JMY: variants seen among roughly 807,000 people sequenced by gnomAD.
JMY encodes the protein junction-mediating and -regulatory protein.
JMY carries 46 observed loss-of-function variants against 103.3 expected under a neutral mutation model. That is an observed-to-expected ratio of 0.45 (90% CI 0.35 to 0.57). The LOEUF (loss-of-function observed/expected upper bound fraction) is 0.57. Ranked by LOEUF, JMY falls within the 20% of genes least tolerant of loss-of-function variation. The pLI is 0.00. For synonymous variants in JMY, 526 were observed against 489.3 expected (o/e 1.07, Z -0.99); for missense variants, 1,238 against 1,255.2 (o/e 0.99, Z 0.21).
At chr5:79,315,932 GGTTATACA>G (rs1283985536) in intron 9 of JMY, 60 bp from the exon 10 acceptor site, 3 of 1,368,972 alleles carry the variant, frequency 2.2e-6, no homozygotes, top group Non-Finnish European at 3.1e-6. Context: ...GAACGGTAGA[GGTTATACA>G]GTTTCATTCT....
chr5:79,293,846 A>G (rs937492063), intron 4 of JMY, among the ~76,000 whole-genome samples: 2 of 152,168 alleles, frequency 1.3e-5, no homozygotes, highest in African/African-American at 4.8e-5. Flanking sequence ...TTTCAATAGT[A>G]TACTCCCCAT....
chr5:79,249,774 C>T (rs1745019893), intron 1 of JMY, among the ~76,000 whole-genome samples: 1 of 152,076 alleles, frequency 6.6e-6, no homozygotes, highest in Non-Finnish European at 1.5e-5. Context: ...TTTCAGTCTC[C>T]CTTGACTCAA....
rs147949599 is a variant in JMY, at chr5:79,301,356, C to T, written c.1881+493C>T. ...TAACTATCGTGGAGCTGTTTCTAGT[C>T]ACTGTAAGTGTAGAGTTGGAATCTG... On this transcript the variant is annotated intron_variant, in intron 6 of 10. Coordinates refer to ENST00000396137, the MANE Select transcript of JMY (RefSeq NM_152405.5). Among the ~76,000 whole-genome samples, 309 of 152,282 alleles carry T rather than the reference C, an allele frequency of 2.0e-3. 1 individual carries two copies. The highest frequency in any genetic ancestry group is 0.01 in the Middle Eastern group (3 of 294).
chr5:79,284,582 AC>A (rs1746214818), intron 2 of JMY: 1 of 1,538,218 alleles, frequency 6.5e-7, no homozygotes, highest in Non-Finnish European at 8.9e-7. Context: ...CCATTTTTTG[AC>A]CATGGAACAC....
intron 2 of JMY, among the ~76,000 whole-genome samples, chr5:79,282,021 C>A (rs927306086): frequency 6.6e-6 from 1 of 151,898 alleles, no homozygotes; most frequent in Non-Finnish European, 1.5e-5. Context: ...CTGGCTAACA[C>A]GGTGAAACCC....
chr5:79,284,071 TTTA>T (rs1250330349), intron 2 of JMY: 10 of 1,072,750 alleles, frequency 9.3e-6, no homozygotes, highest in Non-Finnish European at 1.3e-5. Flanking sequence ...ATTTTTTTAT[TTTA>T]TTTTTATTTT....
chr5:79,289,776 G>C (rs1580357634), intron 2 of JMY, among the ~76,000 whole-genome samples: 1 of 127,092 alleles, frequency 7.9e-6, no homozygotes, highest in South Asian at 2.4e-4. Flanking sequence ...TAAGTAATTT[G>C]GGGGGGGGCA....
At chr5:79,314,235 C>T in intron 8 of JMY, 22 bp from the exon 9 acceptor site, 1 of 1,577,974 alleles carries the variant, frequency 6.3e-7, no homozygotes, top group Non-Finnish European at 8.6e-7. Context: ...TTAACCAGTT[C>T]CAATAACTTC....
intron 2 of JMY, among the ~76,000 whole-genome samples, chr5:79,288,958 G>T (rs959621752): frequency 1.3e-5 from 2 of 151,982 alleles, no homozygotes; most frequent in African/African-American, 4.8e-5. Flanking sequence ...TTGTAGGCCA[G>T]GTGTGGTGGC....
At chr5:79,315,094 T>G (rs1747175942) in intron 9 of JMY, among the ~76,000 whole-genome samples, 1 of 152,144 alleles carries the variant, frequency 6.6e-6, no homozygotes, top group African/African-American at 2.4e-5. Flanking sequence ...TCATGTTTGG[T>G]AATGTATAAT....
intron 1 of JMY, among the ~76,000 whole-genome samples, chr5:79,245,776 C>T (rs1744881707): frequency 6.6e-6 from 1 of 152,090 alleles, no homozygotes; most frequent in Non-Finnish European, 1.5e-5. Context: ...CAGGCATCTG[C>T]CACCATACCC....
At position 79,323,878 on chromosome 5, in the gene JMY, A is replaced by ACAAGT. The variant is rs960206588; in HGVS notation, c.*2278_*2282dup. ...TCCACTCAGCCTCATGGATACATCT[A>ACAAGT]CAAGTCTCTCAACCCATCCTGTTAC... On this transcript the variant is annotated 3_prime_UTR_variant, in exon 11 of 11. Transcript: ENST00000396137. The ACAAGT allele has an allele frequency of 1.3e-5, 2 of 152,176 alleles. No individual in the cohort carries two copies. The highest frequency in any genetic ancestry group is 4.8e-5 in the African/African-American group (2 of 41,448). 9.4% of individuals were successfully genotyped at this position (152,176 alleles called of 1,614,324 possible). A position where few individuals can be genotyped will look rare whatever the true frequency, so the allele number is the denominator to read the frequency against.
At chr5:79,312,623 A>T in intron 8 of JMY, 125 bp downstream of exon 8, 2 of 448,480 alleles carry the variant, frequency 4.5e-6, no homozygotes. Context: ...AACTATTATA[A>T]CCATGGAAGT....
At position 79,241,886 on chromosome 5, in the gene JMY, CA is replaced by C. The variant is rs531436932; in HGVS notation, c.1032+4205del. Among the ~76,000 whole-genome samples, 7 of 152,204 alleles carry C rather than the reference CA, an allele frequency of 4.6e-5. No homozygotes were observed. In the East Asian group the frequency reaches 1.2e-3, roughly 25 times the overall value. ...CAAGACCTCTTTGAACAGTTTTCAG[CA>C]GTAGCCTTGGTTGTTGGTCAGAGCT... On this transcript the variant is annotated intron_variant, in intron 1 of 10. Coordinates refer to ENST00000396137, the MANE Select transcript of JMY (RefSeq NM_152405.5).
At chr5:79,253,551 C>T (rs1226867612) in intron 1 of JMY, among the ~76,000 whole-genome samples, 1 of 152,180 alleles carries the variant, frequency 6.6e-6, no homozygotes, top group African/African-American at 2.4e-5. Flanking sequence ...CGCAGCCTCC[C>T]AAAGTGCTGG....
chr5:79,284,501 C>T, intron 2 of JMY: 5 of 1,587,848 alleles, frequency 3.1e-6, no homozygotes, highest in Non-Finnish European at 4.3e-6. Context: ...TTTAGTAAAA[C>T]CAACACAGAA....
chr5:79,271,723 AT>A (rs1364752311), intron 1 of JMY, among the ~76,000 whole-genome samples: 3 of 152,164 alleles, frequency 2.0e-5, no homozygotes, highest in Non-Finnish European at 4.4e-5. Context: ...AATTCTTTCC[AT>A]TATAACTTAA....
intron 2 of JMY, 81 bp downstream of exon 2, chr5:79,278,164 G>T (rs1746000449): frequency 5.3e-6 from 5 of 943,122 alleles, no homozygotes; most frequent in Admixed American, 3.0e-5. Flanking sequence ...TCCACAAGAG[G>T]AACTTTAAAA....
At chr5:79,277,706 A>T (rs1021358335) in intron 1 of JMY, among the ~76,000 whole-genome samples, 2 of 152,118 alleles carry the variant, frequency 1.3e-5, no homozygotes, top group Non-Finnish European at 2.9e-5. Context: ...TTTGAGCCTC[A>T]AAAGAAATAT....
Sources: allele counts gnomAD v4.1 joint callset (sites outside exome capture counted in the v4.1 genomes callset), GRCh38; gene constraint gnomAD v4.1.1; transcripts MANE v1.5; gene names NCBI Gene and HGNC (gene_info 2026-07-23, HGNC 2026-07-21).